Variants in NCKAP5 observed in about 807,000 individuals in gnomAD.
The protein encoded by NCKAP5 is NCK associated protein 5.
In NCKAP5, 92 loss-of-function variants were observed where a neutral mutation model predicts 167.0. That is an observed-to-expected ratio of 0.55 (90% CI 0.47 to 0.66). The LOEUF (loss-of-function observed/expected upper bound fraction) is 0.66, where lower values mean the gene tolerates loss of function less well. Among genes scored for constraint, NCKAP5 ranks in the 30% least tolerant of loss-of-function variants. The pLI, the probability that NCKAP5 is intolerant of heterozygous loss-of-function variation, is 0.00. For missense variants in NCKAP5, 2,378 were observed against 2,315.0 expected (o/e 1.03, Z -0.56); for synonymous variants, 891 against 877.4 (o/e 1.02, Z -0.27).
At chr2:133,488,769 AGC>A (rs1198579268) in intron 3 of NCKAP5, among the ~76,000 whole-genome samples, 1 of 152,116 alleles carries the variant, frequency 6.6e-6, no homozygotes, top group Non-Finnish European at 1.5e-5. Context: ...TACAAAAATT[AGC>A]CGGGCATGGT....
At chr2:132,781,497 ATTAACTACATTT>A (rs1173548981) in intron 14 of NCKAP5, among the ~76,000 whole-genome samples, 9 of 152,316 alleles carry the variant, frequency 5.9e-5, no homozygotes, top group African/African-American at 2.2e-4. Flanking sequence ...AAGAGTGATT[ATTAACTACATTT>A]TTAGCTTAAG....
chr2:133,673,497 G>A, the NCKAP5 span, among the ~76,000 whole-genome samples: 7 of 152,178 alleles, frequency 4.6e-5, no homozygotes, highest in East Asian at 3.9e-4. Flanking sequence ...ACTCTGGAGC[G>A]TATACTACTG....
chr2:132,870,143 T>C (rs535832126), intron 9 of NCKAP5, among the ~76,000 whole-genome samples: 1 of 152,326 alleles, frequency 6.6e-6, no homozygotes, highest in East Asian at 1.9e-4. Context: ...AGTAACATGT[T>C]CCTGGTGTTT....
intron 19 of NCKAP5, among the ~76,000 whole-genome samples, chr2:132,717,456 A>T (rs1238284939): frequency 2.0e-5 from 3 of 152,216 alleles, no homozygotes; most frequent in African/African-American, 7.2e-5. Context: ...TTTAAAATAG[A>T]TGCAACTTTG....
intron 4 of NCKAP5, among the ~76,000 whole-genome samples, chr2:133,293,322 T>C (rs749895015): frequency 2.6e-5 from 4 of 152,178 alleles, no homozygotes; most frequent in Non-Finnish European, 5.9e-5. Context: ...TGACCCTTTT[T>C]GTGTCTCCTT....
At chr2:132,824,950 C>T (rs760242462) in intron 11 of NCKAP5, among the ~76,000 whole-genome samples, 1 of 152,196 alleles carries the variant, frequency 6.6e-6, no homozygotes, top group Non-Finnish European at 1.5e-5. Flanking sequence ...TTTGTTACCA[C>T]AGCATGACCT....
chr2:133,075,697 A>G (rs1242386612), intron 6 of NCKAP5, among the ~76,000 whole-genome samples: 1 of 152,230 alleles, frequency 6.6e-6, no homozygotes, highest in Admixed American at 6.5e-5. Context: ...AGCTATCAAT[A>G]AAAAGTCTAC....
At chr2:132,754,240 C>A (rs1223872208) in intron 16 of NCKAP5, among the ~76,000 whole-genome samples, 1 of 152,284 alleles carries the variant, frequency 6.6e-6, no homozygotes, top group East Asian at 1.9e-4. Flanking sequence ...CTTCCCCTAT[C>A]GATCTTTCCT....
At chr2:133,470,757 G>C (rs1335262137) in intron 3 of NCKAP5, among the ~76,000 whole-genome samples, 1 of 152,224 alleles carries the variant, frequency 6.6e-6, no homozygotes, top group African/African-American at 2.4e-5. Context: ...GTATTCAGGT[G>C]GGAGTGACCC....
At chr2:133,364,215 A>T (rs1040125408) in intron 3 of NCKAP5, among the ~76,000 whole-genome samples, 15 of 151,886 alleles carry the variant, frequency 9.9e-5, no homozygotes, top group African/African-American at 3.6e-4. Flanking sequence ...TGTCTGCTTG[A>T]CTCTGAGCTT....
intron 8 of NCKAP5, among the ~76,000 whole-genome samples, chr2:132,894,127 A>G (rs935854550): frequency 2.0e-5 from 3 of 152,238 alleles, no homozygotes; most frequent in African/African-American, 7.2e-5. Flanking sequence ...GGCACCAGCA[A>G]CAAAGAGCGA....
At position 132,783,934 on chromosome 2, in the gene NCKAP5, C is replaced by G; in HGVS notation, c.2877G>C (p.Arg959Ser). Residue 959 changes from arginine (R) to serine (S), a missense_variant, in exon 14 of 20, where the codon AGG becomes AGC. Transcript: ENST00000409261. ...GGGTCCTTGCTGTTTCACTGGGGACCCTGGTTTCGGACTTGGTGGATGAAG... is the reference window on the plus strand; with the variant it reads ...GGGTCCTTGCTGTTTCACTGGGGACGCTGGTTTCGGACTTGGTGGATGAAG... ...PAPSSTKSETRVPSETARTPF... is the reference protein window; with the variant it reads ...PAPSSTKSETSVPSETARTPF... The G allele has an allele frequency of 6.3e-7, 1 of 1,576,552 alleles. No individual in the cohort carries two copies. The highest frequency in any genetic ancestry group is 8.6e-7 in the Non-Finnish European group (1 of 1,165,182).
At chr2:132,883,205 T>C (rs866062661) in intron 8 of NCKAP5, among the ~76,000 whole-genome samples, 5 of 139,650 alleles carry the variant, frequency 3.6e-5, no homozygotes, top group East Asian at 2.1e-4. Context: ...CTGACTCAAA[T>C]ACACACACAC....
At chr2:132,930,724 C>T (rs944381097) in intron 8 of NCKAP5, 1 of 152,194 alleles carries the variant, frequency 6.6e-6, no homozygotes, top group Non-Finnish European at 1.5e-5. Context: ...TCTCCTGCCT[C>T]TCTATATATC....
At chr2:132,991,014 T>C in intron 7 of NCKAP5, among the ~76,000 whole-genome samples, 1 of 152,194 alleles carries the variant, frequency 6.6e-6, no homozygotes, top group East Asian at 1.9e-4. Context: ...TCAGCATAGA[T>C]AATAAGCAGA....
At chr2:133,324,447 G>C (rs1682286981) in intron 3 of NCKAP5, among the ~76,000 whole-genome samples, 1 of 152,234 alleles carries the variant, frequency 6.6e-6, no homozygotes, top group South Asian at 2.1e-4. Context: ...TGCTGAGTCA[G>C]ACAGAATAGC....
chr2:133,487,193 G>A (rs1398803822), intron 3 of NCKAP5, among the ~76,000 whole-genome samples: 1 of 152,174 alleles, frequency 6.6e-6, no homozygotes, highest in Non-Finnish European at 1.5e-5. Context: ...ACATTCGTGT[G>A]CCTTCAAAAA....
At chr2:133,582,762 C>T in the NCKAP5 span, among the ~76,000 whole-genome samples, 32 of 152,328 alleles carry the variant, frequency 2.1e-4, no homozygotes, top group Admixed American at 1.3e-4. Flanking sequence ...TAGTGAATAA[C>T]ATATTTCCAG....
At chr2:133,303,686 C>A (rs995032275) in intron 3 of NCKAP5, among the ~76,000 whole-genome samples, 1 of 149,300 alleles carries the variant, frequency 6.7e-6, no homozygotes, top group African/African-American at 2.6e-5. Flanking sequence ...CTAAAAAGAC[C>A]TGAAAGGTAT....
Sources: allele counts gnomAD v4.1 joint callset (sites outside exome capture counted in the v4.1 genomes callset), GRCh38; gene constraint gnomAD v4.1.1; transcripts MANE v1.5; gene names NCBI Gene and HGNC (gene_info 2026-07-23, HGNC 2026-07-21).